Variants in GRM8 observed in about 807,000 individuals in gnomAD.
The protein encoded by GRM8 is metabotropic glutamate receptor 8.
In GRM8, 47 loss-of-function variants were observed where a neutral mutation model predicts 87.2. That is an observed-to-expected ratio of 0.54 (90% CI 0.43 to 0.69). The LOEUF (loss-of-function observed/expected upper bound fraction) is 0.69, where lower values mean the gene tolerates loss of function less well. Ranked by LOEUF, GRM8 falls within the 30% of genes least tolerant of loss-of-function variation. The pLI, the probability that GRM8 is intolerant of heterozygous loss-of-function variation, is 0.00. For synonymous variants in GRM8, 396 were observed against 404.5 expected, an observed-to-expected ratio of 0.98 and a Z score of 0.25; for missense variants, 1,019 against 1,139.2, an observed-to-expected ratio of 0.89 and a Z score of 1.52.
chr7:127,129,540 AT>A (rs1827559388), intron 2 of GRM8, among the ~76,000 whole-genome samples: 1 of 152,120 alleles, frequency 6.6e-6, no homozygotes, highest in Non-Finnish European at 1.5e-5. Context: ...TAAAAATTTC[AT>A]TTTTCATCCT....
At chr7:126,803,582 C>T (rs1470904301) in intron 6 of GRM8, among the ~76,000 whole-genome samples, 1 of 152,210 alleles carries the variant, frequency 6.6e-6, no homozygotes, top group Non-Finnish European at 1.5e-5. Flanking sequence ...CATTCTTCCA[C>T]ATCCTCAGAG....
intron 8 of GRM8, among the ~76,000 whole-genome samples, chr7:126,587,371 T>G (rs1796245535): frequency 6.6e-6 from 1 of 152,178 alleles, no homozygotes; most frequent in African/African-American, 2.4e-5. Context: ...TAAAGACACA[T>G]GCACACGTAT....
chr7:126,718,979 T>C (rs1207914682), intron 7 of GRM8, among the ~76,000 whole-genome samples: 2 of 152,220 alleles, frequency 1.3e-5, no homozygotes, highest in African/African-American at 4.8e-5. Flanking sequence ...TTGGAAATAA[T>C]TTAATGTAAA....
chr7:126,533,816 T>C lies in GRM8; in HGVS notation c.1566A>G (p.Pro522=). 1.2e-6 allele frequency: 2 copies of C among 1,614,104 alleles called. No homozygotes were observed. Among genetic ancestry groups the C allele is most frequent in the Non-Finnish European group, 1.7e-6 (2 of 1,179,980 alleles). Residue 522 remains proline (P), a synonymous_variant, in exon 9 of 11, where the codon CCA becomes CCG. Coordinates refer to ENST00000339582, the MANE Select transcript of GRM8 (RefSeq NM_000845.3). The stretch of plus-strand genomic sequence containing the variant: ...CTTTCACCGTTTTCTTCCTCTCCCC[T>C]GGCTTACACGGCAGGCTGCAGACAG... ...PASVCSLPCK[P]GERKKTVKGV... is the part of the protein sequence containing the mutation.
intron 9 of GRM8, among the ~76,000 whole-genome samples, chr7:126,513,968 AG>A (rs1811797015): frequency 6.6e-6 from 1 of 152,036 alleles, no homozygotes; most frequent in Non-Finnish European, 1.5e-5. Flanking sequence ...TTTAATCATC[AG>A]GTTCTAAAAA....
At chr7:126,858,201 C>G (rs945251565) in intron 6 of GRM8, among the ~76,000 whole-genome samples, 5 of 152,168 alleles carry the variant, frequency 3.3e-5, no homozygotes, top group Non-Finnish European at 5.9e-5. Context: ...TGCAAGATAT[C>G]TTGGTGGTTT....
chr7:126,493,694 C>T (rs1808326793), intron 9 of GRM8, among the ~76,000 whole-genome samples: 1 of 151,916 alleles, frequency 6.6e-6, no homozygotes, highest in South Asian at 2.1e-4. Flanking sequence ...TGACAGAGTC[C>T]CTGACCTCTA....
chr7:126,667,641 C>T (rs909270923), intron 7 of GRM8, among the ~76,000 whole-genome samples: 1 of 152,148 alleles, frequency 6.6e-6, no homozygotes, highest in Non-Finnish European at 1.5e-5. Context: ...CACAACTTCA[C>T]CTTAATGAAA....
chr7:126,872,918 G>A (rs1161736202), intron 6 of GRM8, among the ~76,000 whole-genome samples: 2 of 152,046 alleles, frequency 1.3e-5, no homozygotes, highest in African/African-American at 4.8e-5. Context: ...GATAACTTTT[G>A]TGAAATGTCT....
intron 3 of GRM8, among the ~76,000 whole-genome samples, chr7:127,079,026 T>C (rs10252488): frequency 0.012 from 1,818 of 152,334 alleles, 33 homozygotes; most frequent in African/African-American, 0.041. Context: ...CCAGATACTG[T>C]TACATCAAGC....
At chr7:126,898,529 C>A (rs1278033645) in intron 6 of GRM8, among the ~76,000 whole-genome samples, 1 of 152,164 alleles carries the variant, frequency 6.6e-6, no homozygotes, top group African/African-American at 2.4e-5. Flanking sequence ...GGTGCATTTG[C>A]CCTAGCACTT....
chr7:127,176,532 C>G (rs1326667991), intron 2 of GRM8, among the ~76,000 whole-genome samples: 2 of 152,166 alleles, frequency 1.3e-5, no homozygotes, highest in Admixed American at 6.5e-5. Flanking sequence ...GAAGCTCACA[C>G]TGTGAATTTT....
chr7:126,636,393 C>T lies in GRM8; in HGVS notation c.1358-26895G>A, dbSNP rs374327409. 2.0e-5 allele frequency among the ~76,000 whole-genome samples: 3 copies of T among 151,970 alleles called. No homozygotes were observed. The East Asian group carries it at 5.8e-4, about 29-fold the overall frequency. ...AAAATGGCATATAACCTATGTACAT[C>T]CTCCTGTATATTTTAAATTAACTCT... On this transcript the variant is annotated intron_variant, in intron 7 of 10. Coordinates refer to ENST00000339582, the MANE Select transcript of GRM8 (RefSeq NM_000845.3).
chr7:126,502,457 A>G (rs1809789094), intron 9 of GRM8, among the ~76,000 whole-genome samples: 1 of 152,104 alleles, frequency 6.6e-6, no homozygotes, highest in African/African-American at 2.4e-5. Context: ...TAATCCACAA[A>G]AGTGTCTGCT....
intron 2 of GRM8, among the ~76,000 whole-genome samples, chr7:127,164,527 T>G (rs1388765633): frequency 2.0e-5 from 3 of 152,206 alleles, no homozygotes; most frequent in African/African-American, 7.2e-5. Flanking sequence ...AGATCTGTAT[T>G]ATAAACTATT....
chr7:126,722,722 T>C (rs1334069285), intron 7 of GRM8, among the ~76,000 whole-genome samples: 2 of 151,778 alleles, frequency 1.3e-5, no homozygotes, highest in African/African-American at 2.4e-5. Context: ...TGAGCAGTCT[T>C]CTTACGTATC....
intron 3 of GRM8, among the ~76,000 whole-genome samples, chr7:127,015,176 G>GAGAAGAAGAAGAAGA (rs778849282): frequency 2.3e-5 from 2 of 87,028 alleles, no homozygotes; most frequent in Non-Finnish European, 4.6e-5. Context: ...GAAGGAGAAG[G>GAGAAGAAGAAGAAGA]AGAAGAAGAA....
chr7:127,012,601 T>G (rs1815007464), intron 3 of GRM8, among the ~76,000 whole-genome samples: 1 of 152,152 alleles, frequency 6.6e-6, no homozygotes, highest in Non-Finnish European at 1.5e-5. Flanking sequence ...CTTGCAATGT[T>G]TTTCCTTCAG....
chr7:126,666,094 C>A (rs961184028), intron 7 of GRM8, among the ~76,000 whole-genome samples: 2 of 152,144 alleles, frequency 1.3e-5, no homozygotes, highest in Admixed American at 6.6e-5. Flanking sequence ...AGACAAAGAT[C>A]TTTTTGATAG....
Sources: allele counts gnomAD v4.1 joint callset (sites outside exome capture counted in the v4.1 genomes callset), GRCh38; gene constraint gnomAD v4.1.1; transcripts MANE v1.5; gene names NCBI Gene and HGNC (gene_info 2026-07-23, HGNC 2026-07-21).